MAN1C1: variants seen among roughly 807,000 people sequenced by gnomAD.
MAN1C1 encodes the protein mannosyl-oligosaccharide 1,2-alpha-mannosidase IC.
In MAN1C1, 49 loss-of-function variants were observed where a neutral mutation model predicts 71.5. The observed-to-expected ratio is 0.69, with a 90% CI of 0.54 to 0.87. The LOEUF is 0.87. MAN1C1 is among the 40% of genes least tolerant of loss of function. The pLI, the probability that MAN1C1 is intolerant of heterozygous loss-of-function variation, is 0.00. For synonymous variants in MAN1C1, 352 were observed against 343.7 expected (o/e 1.02, Z -0.27); for missense variants, 743 against 835.0 (o/e 0.89, Z 1.36).
chr1:25,682,396 C>T (rs2046167261), intron 1 of MAN1C1, among the ~76,000 whole-genome samples: 1 of 152,126 alleles, frequency 6.6e-6, no homozygotes, highest in Non-Finnish European at 1.5e-5. Context: ...ATGACAAGTC[C>T]ACACCTACAC....
At chr1:25,705,396 G>A (rs2046507103) in intron 2 of MAN1C1, among the ~76,000 whole-genome samples, 1 of 152,278 alleles carries the variant, frequency 6.6e-6, no homozygotes, top group Non-Finnish European at 1.5e-5. Context: ...GTAAACACCT[G>A]AAGTGTCATA....
chr1:25,660,920 G>A (rs944123161), intron 1 of MAN1C1, among the ~76,000 whole-genome samples: 2 of 151,622 alleles, frequency 1.3e-5, no homozygotes, highest in Admixed American at 6.6e-5. Context: ...CAAACTTCTG[G>A]GCTCAAGTGA....
chr1:25,773,705 A>G (rs1164785096), intron 8 of MAN1C1, among the ~76,000 whole-genome samples: 1 of 152,236 alleles, frequency 6.6e-6, no homozygotes, highest in African/African-American at 2.4e-5. Flanking sequence ...TCAAGGGAAG[A>G]AATGGCCATG....
chr1:25,732,220 C>T (rs903689328), intron 2 of MAN1C1, among the ~76,000 whole-genome samples: 1 of 152,166 alleles, frequency 6.6e-6, no homozygotes, highest in Admixed American at 6.5e-5. Context: ...TAGGGTCAGG[C>T]TAAGCCACAG....
At chr1:25,728,017 A>G (rs2046856793) in intron 2 of MAN1C1, among the ~76,000 whole-genome samples, 1 of 152,226 alleles carries the variant, frequency 6.6e-6, no homozygotes, top group African/African-American at 2.4e-5. Context: ...AGAGGTTGGA[A>G]CAAGTTATCA....
At chr1:25,754,944 G>T (rs1038400839) in intron 5 of MAN1C1, among the ~76,000 whole-genome samples, 5 of 152,236 alleles carry the variant, frequency 3.3e-5, no homozygotes, top group Non-Finnish European at 7.3e-5. Context: ...AAAGTCTGTT[G>T]CTAAAAATGC....
At chr1:25,752,445 G>C (rs2047229587) in intron 4 of MAN1C1, among the ~76,000 whole-genome samples, 1 of 152,140 alleles carries the variant, frequency 6.6e-6, no homozygotes, top group African/African-American at 2.4e-5. Flanking sequence ...GGGATTACAG[G>C]CATGAGCCAC....
chr1:25,767,702 CT>C, intron 7 of MAN1C1, among the ~76,000 whole-genome samples: 1 of 72,508 alleles, frequency 1.4e-5, no homozygotes, highest in African/African-American at 5.4e-5. Flanking sequence ...CCACACTCCC[CT>C]CACACATACA....
At chr1:25,648,693 T>C (rs1277318830) in intron 1 of MAN1C1, among the ~76,000 whole-genome samples, 12 of 152,228 alleles carry the variant, frequency 7.9e-5, no homozygotes, top group Admixed American at 7.2e-4. Context: ...ATTAGCATCC[T>C]CTGCTCTGGC....
intron 1 of MAN1C1, among the ~76,000 whole-genome samples, chr1:25,619,782 A>C (rs2045178330): frequency 6.6e-6 from 1 of 152,092 alleles, no homozygotes; most frequent in South Asian, 2.1e-4. Context: ...TTGAATACTC[A>C]CTTGGACCAC....
chr1:25,730,402 AT>A lies in MAN1C1; in HGVS notation c.638-16251del, dbSNP rs34222406. 0.11 allele frequency among the ~76,000 whole-genome samples: 15,520 copies of A among 145,230 alleles called. 1,266 individuals are homozygous for A. Among genetic ancestry groups the A allele is most frequent in the African/African-American group, 0.23 (9,304 of 39,832 alleles). On this transcript the variant is annotated intron_variant, in intron 2 of 11. Coordinates refer to ENST00000374332, the MANE Select transcript of MAN1C1 (RefSeq NM_020379.4). The surrounding 1 kb of genome is among the most constrained non-coding windows in gnomAD (Gnocchi z 4.3). ...CTGAAAGCCACACTGCCAAAATCAGATTTTTTTTTTTTTTTAGTTTTCTCAG... is the reference window on the plus strand; with the variant it reads ...CTGAAAGCCACACTGCCAAAATCAGATTTTTTTTTTTTTTAGTTTTCTCAG...
Position 25,781,002 on chromosome 1 carries a change from C to A in MAN1C1, c.1540C>A (p.Leu514Met), listed in dbSNP as rs1220497495. The A allele has an allele frequency of 8.7e-6, 14 of 1,614,194 alleles. No individual in the cohort carries two copies. The South Asian group carries it at 1.5e-4, about 18-fold the overall frequency. Residue 514 changes from leucine to methionine, a missense_variant, in exon 10 of 12, where the codon CTG becomes ATG. Leu to Met is a conservative substitution (Grantham distance 15, BLOSUM62 2). Transcript: ENST00000374332. ...NSGREAVATQ[L>M]SESYYILRPE... ...CGGCAGAGAGGCCGTGGCCACCCAG[C>A]TGAGCGAGAGCTACTACATCCTCCG...
chr1:25,618,312 G>A lies in MAN1C1; in HGVS notation c.515G>A (p.Arg172Gln). The change falls in exon 1 of 12, where the codon CGA (arginine) becomes CAA (glutamine). Residue 172 changes from arginine to glutamine, a missense_variant. Physicochemically the swap from Arg to Gln is conservative, Grantham distance 43 (BLOSUM62 1). Coordinates refer to ENST00000374332, the MANE Select transcript of MAN1C1 (RefSeq NM_020379.4). ...DESQEPQSQV[R>Q]AQREKIKEMM... ...AGTCAGGAGCCCCAGAGCCAAGTGC[G>A]AGCCCAGCGGGAGAAAATCAAGGAG... 6.2e-7 allele frequency: 1 copy of A among 1,602,002 alleles called. No homozygotes were observed.
rs1178878513 is a variant in MAN1C1, at chr1:25,660,396, CTTTTT to C, written c.541-26020_541-26016del. Among the ~76,000 whole-genome samples the C allele has an allele frequency of 2.3e-4, 22 of 97,630 alleles. 1 individual carries two copies. Among genetic ancestry groups the C allele is most frequent in the Middle Eastern group, 5.0e-3 (1 of 200 alleles). 64.0% of individuals were successfully genotyped at this position (97,630 alleles called of 152,430 possible). A position where few individuals can be genotyped will look rare whatever the true frequency, so the allele number is the denominator to read the frequency against. ...AGCTTGGGCAACAAGAGTGAAATTCCTTTTTTTTTTTTTTTTTTTTTTTTTTTTGA... is the reference window on the plus strand; with the variant it reads ...AGCTTGGGCAACAAGAGTGAAATTCCTTTTTTTTTTTTTTTTTTTTTTTGA... On this transcript the variant is annotated intron_variant, in intron 1 of 11. Transcript: ENST00000374332.
rs2047395317 is a variant in MAN1C1 at position 25,763,964 on chromosome 1, C to T, written c.1138C>T (p.Gln380Ter). 1 of 1,612,694 alleles carries T rather than the reference C, an allele frequency of 6.2e-7. No individual in the cohort carries two copies. Among genetic ancestry groups the T allele is most frequent in the African/African-American group, 1.3e-5 (1 of 75,020 alleles). ...CAGCCCAGTGAGTGGGAACTGGGTG[C>T]AACGTGAGTACAGAGACGCCACTGC... Reference protein sequence around the residue: ...FLSPVSGNWVQHHVSVGGLGD... With the variant: ...FLSPVSGNWV The change falls in exon 7 of 12, where the codon CAA becomes TAA. Residue 380 changes from glutamine (Q) to a stop codon, truncating the protein, a stop_gained. Transcript: ENST00000374332. LOFTEE classifies it high-confidence loss of function.
At position 25,746,572 on chromosome 1, in the gene MAN1C1, G is replaced by T. The variant is rs539257588; in HGVS notation, c.638-96G>T. 1.6e-5 allele frequency: 15 copies of T among 951,866 alleles called. No homozygotes were observed. The highest frequency in any genetic ancestry group is 3.3e-5 in the African/African-American group (2 of 61,364). The allele number at this position is 951,866 out of a possible 1,614,324, so 59.0% of individuals were successfully genotyped here. A position where few individuals can be genotyped will look rare whatever the true frequency, so the allele number is the denominator to read the frequency against. ...GGCCAGCCTTTGCCACCAAGCCTGC[G>T]CTGGCATTGGAGGGGCCCTGAGAAC... On this transcript the variant is annotated intron_variant, in intron 2 of 11. Coordinates refer to ENST00000374332, the MANE Select transcript of MAN1C1 (RefSeq NM_020379.4). The surrounding 1 kb of genome is among the most constrained non-coding windows in gnomAD (Gnocchi z 4.0).
chr1:25,758,202 T>C (rs1318015316), intron 5 of MAN1C1, among the ~76,000 whole-genome samples: 2 of 152,344 alleles, frequency 1.3e-5, no homozygotes, highest in African/African-American at 4.8e-5. Context: ...TTGTGAGCCA[T>C]CCGGTGCCTT....
At chr1:25,623,717 G>A (rs769929298) in intron 1 of MAN1C1, among the ~76,000 whole-genome samples, 2 of 152,102 alleles carry the variant, frequency 1.3e-5, no homozygotes, top group Non-Finnish European at 2.9e-5. Context: ...ACCCAGCCTT[G>A]TGGATACTGA....
At chr1:25,675,588 G>GGA (rs1553185437) in intron 1 of MAN1C1, among the ~76,000 whole-genome samples, 12 of 139,954 alleles carry the variant, frequency 8.6e-5, no homozygotes, top group African/African-American at 3.5e-4. Context: ...ATTTTGCGGG[G>GGA]GGGGGGGGAG....
Sources: allele counts gnomAD v4.1 joint callset (sites outside exome capture counted in the v4.1 genomes callset), GRCh38; gene constraint gnomAD v4.1.1; non-coding constraint Gnocchi (gnomAD v3.1); transcripts MANE v1.5; gene names NCBI Gene and HGNC (gene_info 2026-07-23, HGNC 2026-07-21).